The following SSB variants were observed in gnomAD, a reference collection of about 807,000 sequenced individuals.
The protein encoded by SSB is small RNA binding exonuclease protection factor La.
SSB carries 17 observed loss-of-function variants against 52.9 expected under a neutral mutation model. That is an observed-to-expected ratio of 0.32 (90% CI 0.22 to 0.48). SSB has a LOEUF of 0.48. SSB is among the 20% of genes least tolerant of loss of function. The pLI is 0.99. For synonymous variants in SSB, 111 were observed against 152.1 expected (o/e 0.73, Z 1.99); for missense variants, 314 against 463.6 (o/e 0.68, Z 2.96).
At chr2:169,801,826 G>T (rs1363923990) in intron 2 of SSB, among the ~76,000 whole-genome samples, 1 of 152,076 alleles carries the variant, frequency 6.6e-6, no homozygotes, top group African/African-American at 2.4e-5. Context: ...GAGCCACTGT[G>T]CCCAGCCAGT....
chr2:169,811,858 C>T lies in SSB; in HGVS notation c.*102C>T. 6.2e-7 allele frequency: 1 copy of T among 1,611,958 alleles called. No homozygotes were observed. The highest frequency in any genetic ancestry group is 1.1e-5 in the South Asian group (1 of 90,196). On this transcript the variant is annotated 3_prime_UTR_variant, in exon 12 of 12. Transcript: ENST00000260956. ...CGAATTAGGTCCACTTCAATGTCCA[C>T]CTGTGAGAAAGGAAAAATTTTTTTG...
At chr2:169,808,186 A>C (rs542166324) in intron 6 of SSB, among the ~76,000 whole-genome samples, 1 of 152,314 alleles carries the variant, frequency 6.6e-6, no homozygotes, top group Non-Finnish European at 1.5e-5. Context: ...TGGGGTCATG[A>C]AAATGTTCTG....
Position 169,810,906 on chromosome 2 carries a change from A to C in SSB, c.859A>C (p.Lys287Gln). 1 of 1,613,442 alleles carries C rather than the reference A, an allele frequency of 6.2e-7. No homozygotes were observed. Among genetic ancestry groups the C allele is most frequent in the Non-Finnish European group, 8.5e-7 (1 of 1,179,684 alleles). The change falls in exon 10 of 12, where the codon AAA (lysine) becomes CAA (glutamine). Residue 287 changes from lysine (K) to glutamine (Q), a missense_variant. Physicochemically the swap from Lys to Gln is moderately conservative, Grantham distance 53. Coordinates refer to ENST00000260956, the MANE Select transcript of SSB (RefSeq NM_003142.5). ...EKAKEALGKAKDANNGNLQLR... is the reference protein window; with the variant it reads ...EKAKEALGKAQDANNGNLQLR... ...AGCCAAGGAAGCATTGGGTAAAGCCAAAGATGCAAATAATGGTAACCTACA... is the reference window on the plus strand; with the variant it reads ...AGCCAAGGAAGCATTGGGTAAAGCCCAAGATGCAAATAATGGTAACCTACA...
Position 169,800,970 on chromosome 2 carries a change from A to G in SSB, c.10A>G (p.Asn4Asp), listed in dbSNP as rs747161057. 2 of 1,595,372 alleles carry G rather than the reference A, an allele frequency of 1.3e-6. No individual in the cohort carries two copies. Among genetic ancestry groups the G allele is most frequent in the African/African-American group, 2.7e-5 (2 of 73,650 alleles). The change falls in exon 2 of 12, where the codon AAT (asparagine) becomes GAT (aspartate). Residue 4 changes from asparagine to aspartate, a missense_variant. By Grantham distance (23) the Asn-to-Asp change is conservative. Coordinates refer to ENST00000260956, the MANE Select transcript of SSB (RefSeq NM_003142.5). The part of the protein sequence containing the change: MAE[N>D]GDNEKMAALE... ...TTTACAGATAGCCGCAATGGCTGAA[A>G]ATGGTGATAATGAAAAGATGGCTGC...
In SSB at chr2:169,811,805, T is replaced by C; in HGVS notation, c.*49T>C. ...ATTTTAAATAGGTTTTAAACGACTTTTGTTTGCGGGGCTTTTAAAAGGAAA... is the reference window on the plus strand; with the variant it reads ...ATTTTAAATAGGTTTTAAACGACTTCTGTTTGCGGGGCTTTTAAAAGGAAA... On this transcript the variant is annotated 3_prime_UTR_variant, in exon 12 of 12. Transcript: ENST00000260956. The C allele has an allele frequency of 1.9e-6, 3 of 1,613,738 alleles. No individual in the cohort carries two copies. The highest frequency in any genetic ancestry group is 2.5e-6 in the Non-Finnish European group (3 of 1,179,800).
Position 169,807,219 on chromosome 2 carries a change from A to G in SSB, c.554+148A>G, listed in dbSNP as rs138612495. On this transcript the variant is annotated intron_variant, in intron 6 of 11. Coordinates refer to ENST00000260956, the MANE Select transcript of SSB (RefSeq NM_003142.5). ...AGAAATGCTTGATATTTGTTCAGTG[A>G]GAACTATAGTCTTTTGAGACTATAA... 17 of 639,270 alleles carry G rather than the reference A, an allele frequency of 2.7e-5. 1 individual carries two copies. In the East Asian group the frequency reaches 4.6e-4, roughly 17 times the overall value. The allele number at this position is 639,270 out of a possible 1,614,324, so 39.6% of individuals were successfully genotyped here. A position where few individuals can be genotyped will look rare whatever the true frequency, so the allele number is the denominator to read the frequency against.
intron 9 of SSB, 137 bp from the exon 10 acceptor site, chr2:169,810,721 C>T: frequency 1.2e-6 from 1 of 842,346 alleles, no homozygotes; most frequent in Non-Finnish European, 1.8e-6. Context: ...CATTCCTTTT[C>T]TACTGTTCAG....
chr2:169,804,789 A>G (rs1193546045), intron 2 of SSB, among the ~76,000 whole-genome samples: 1 of 150,984 alleles, frequency 6.6e-6, no homozygotes, highest in East Asian at 2.0e-4. Context: ...CCCAAAGTGC[A>G]GGGATTACAG....
At chr2:169,807,737 CTTTTTTTTTTTTT>C (rs55845251) in intron 6 of SSB, among the ~76,000 whole-genome samples, 1 of 74,024 alleles carries the variant, frequency 1.4e-5, no homozygotes, top group Non-Finnish European at 2.4e-5. Context: ...GCCTATATGT[CTTTTTTTTTTTTT>C]TTTTTTTTTT....
Position 169,811,898 on chromosome 2 carries a change from T to A in SSB, c.*142T>A. The A allele has an allele frequency of 6.3e-7, 1 of 1,598,882 alleles. No individual in the cohort carries two copies. Among genetic ancestry groups the A allele is most frequent in the Non-Finnish European group, 8.6e-7 (1 of 1,168,762 alleles). On this transcript the variant is annotated 3_prime_UTR_variant, in exon 12 of 12. Coordinates refer to ENST00000260956, the MANE Select transcript of SSB (RefSeq NM_003142.5). Reference sequence around the variant, plus strand: ...AAATTTTTTTGTTGTTTAACTTGTCTTTTTGTTATGCAAATGAGATTTCTT... The same window carrying A: ...AAATTTTTTTGTTGTTTAACTTGTCATTTTGTTATGCAAATGAGATTTCTT...
At chr2:169,801,429 C>A (rs1689710349) in intron 2 of SSB, among the ~76,000 whole-genome samples, 1 of 151,876 alleles carries the variant, frequency 6.6e-6, no homozygotes, top group South Asian at 2.1e-4. Flanking sequence ...AAGTACCTTC[C>A]CTGTTAAATA....
chr2:169,810,602 A>C, intron 9 of SSB, 179 bp downstream of exon 9: 1 of 694,322 alleles, frequency 1.4e-6, no homozygotes, highest in South Asian at 2.2e-5. Context: ...ATTAGTTTCT[A>C]CTTGATCATT....
intron 8 of SSB, chr2:169,809,936 A>G (rs1266347552): frequency 6.5e-6 from 1 of 154,044 alleles, no homozygotes; most frequent in African/African-American, 2.4e-5. Context: ...TTAAAGTATG[A>G]TAAATACTGC....
intron 6 of SSB, 60 bp downstream of exon 6, chr2:169,807,131 A>T: frequency 7.1e-7 from 1 of 1,407,644 alleles, no homozygotes; most frequent in Non-Finnish European, 1.0e-6. Flanking sequence ...ACACTAGGGT[A>T]AGGAGCATGG....
At chr2:169,811,516 G>A (rs1385980461) in intron 11 of SSB, 152 bp from the exon 12 acceptor site, 2 of 1,264,092 alleles carry the variant, frequency 1.6e-6, no homozygotes, top group Admixed American at 2.9e-5. Context: ...GAATCTAGAG[G>A]TCAGGTCTGT....
Position 169,808,861 on chromosome 2 carries a change from G to A in SSB, c.628G>A (p.Glu210Lys). The part of the protein sequence containing the change: ...KVEAKLRAKQ[E>K]QEAKQKLEED... Reference sequence around the variant, plus strand: ...TTATAATTATATTTTTATTTGTAGGGAGCAAGAAGCAAAACAAAAGTTAGA... The same window carrying A: ...TTATAATTATATTTTTATTTGTAGGAAGCAAGAAGCAAAACAAAAGTTAGA... The change falls in exon 8 of 12, where the codon GAG becomes AAG. Residue 210 changes from glutamate (E) to lysine (K), a missense_variant and splice_region_variant. By Grantham distance (56) the Glu-to-Lys change is moderately conservative. Coordinates refer to ENST00000260956, the MANE Select transcript of SSB (RefSeq NM_003142.5). 6.3e-7 allele frequency: 1 copy of A among 1,589,830 alleles called. No homozygotes were observed. The highest frequency in any genetic ancestry group is 8.6e-7 in the Non-Finnish European group (1 of 1,158,848).
intron 2 of SSB, among the ~76,000 whole-genome samples, chr2:169,803,489 A>T (rs1429134495): frequency 6.6e-6 from 1 of 152,048 alleles, no homozygotes; most frequent in Non-Finnish European, 1.5e-5. Context: ...ACCTCGGGTG[A>T]TCCACCTGCT....
chr2:169,800,534 C>CAAAAAAAAAAAAAAAAAAAAAAAAAAAA (rs59743225), intron 1 of SSB, among the ~76,000 whole-genome samples: 4 of 78,280 alleles, frequency 5.1e-5, no homozygotes, highest in African/African-American at 1.1e-4. Context: ...GACTCCGTCT[C>CAAAAAAAAAAAAAAAAAAAAAAAAAAAA]AAAAAAAAAA....
chr2:169,808,722 C>A, intron 7 of SSB, 138 bp from the exon 8 acceptor site: 2 of 978,852 alleles, frequency 2.0e-6, no homozygotes, highest in Non-Finnish European at 3.1e-6. Context: ...TGCAGTCTAG[C>A]ATTGGACGAT....
Sources: allele counts gnomAD v4.1 joint callset (sites outside exome capture counted in the v4.1 genomes callset), GRCh38; gene constraint gnomAD v4.1.1; transcripts MANE v1.5; gene names NCBI Gene and HGNC (gene_info 2026-07-23, HGNC 2026-07-21).